The following TNFRSF21 variants were observed in gnomAD, a reference collection of about 807,000 sequenced individuals.
The protein encoded by TNFRSF21 is tumor necrosis factor receptor superfamily member 21.
TNFRSF21 carries 19 observed loss-of-function variants against 45.6 expected under a neutral mutation model. That is an observed-to-expected ratio of 0.42 (90% CI 0.29 to 0.61). The LOEUF (loss-of-function observed/expected upper bound fraction) is 0.61, where lower values mean the gene tolerates loss of function less well. Among genes scored for constraint, TNFRSF21 ranks in the 20% least tolerant of loss-of-function variants. TNFRSF21 has a pLI of 0.23. For synonymous variants in TNFRSF21, 314 were observed against 335.5 expected (o/e 0.94, Z 0.70); for missense variants, 737 against 851.5 (o/e 0.87, Z 1.67).
Position 47,284,420 on chromosome 6 carries a change from G to A in TNFRSF21, c.761C>T (p.Thr254Ile). The A allele has an allele frequency of 6.6e-7, 1 of 1,517,868 alleles. No individual in the cohort carries two copies. The highest frequency in any genetic ancestry group is 8.8e-7 in the Non-Finnish European group (1 of 1,134,786). The allele number at this position is 1,517,868 out of a possible 1,614,324, so 94.0% of individuals were successfully genotyped here. ...AACAGAGGCAGAAGAGTTGGATTCT[G>A]TTGAGTTCATGCCTAGAAAAAAGAG... ...STYVPKGMNS[T>I]ESNSSASVRP... The change falls in exon 3 of 6, where the codon ACA becomes ATA. Residue 254 changes from threonine to isoleucine, a missense_variant. Coordinates refer to ENST00000296861, the MANE Select transcript of TNFRSF21 (RefSeq NM_014452.5).
At chr6:47,293,867 A>AT (rs983939346) in intron 1 of TNFRSF21, among the ~76,000 whole-genome samples, 1 of 151,958 alleles carries the variant, frequency 6.6e-6, no homozygotes, top group African/African-American at 2.4e-5. Flanking sequence ...CCTCATTCCC[A>AT]TTTTTTCCCC....
intron 3 of TNFRSF21, among the ~76,000 whole-genome samples, chr6:47,278,921 A>ACT (rs578056510): frequency 4.2e-4 from 64 of 152,344 alleles, no homozygotes; most frequent in Non-Finnish European, 8.4e-4. Flanking sequence ...TCAAATGCTT[A>ACT]CTACAGTGTC....
chr6:47,267,552 G>A (rs1441599160), intron 3 of TNFRSF21, among the ~76,000 whole-genome samples: 1 of 152,122 alleles, frequency 6.6e-6, no homozygotes, highest in Non-Finnish European at 1.5e-5. Flanking sequence ...TTCTACTTGA[G>A]TTGAAAATCA....
intron 2 of TNFRSF21, 85 bp from the exon 3 acceptor site, chr6:47,284,517 C>G: frequency 7.2e-7 from 1 of 1,396,326 alleles, no homozygotes; most frequent in Non-Finnish European, 9.4e-7. Context: ...CATCTCCAAG[C>G]TAGGCCAGAT....
chr6:47,237,869 G>A (rs1331181818), intron 4 of TNFRSF21, among the ~76,000 whole-genome samples: 2 of 152,114 alleles, frequency 1.3e-5, no homozygotes, highest in East Asian at 1.9e-4. Context: ...GGGCAACATG[G>A]TGAAACCCTG....
chr6:47,234,790 G>C lies in TNFRSF21; in HGVS notation c.1618C>G (p.Pro540Ala), dbSNP rs909458318. 2 of 1,593,762 alleles carry C rather than the reference G, an allele frequency of 1.3e-6. No homozygotes were observed. The highest frequency in any genetic ancestry group is 2.7e-5 in the African/African-American group (2 of 73,592). ...LENSALLTVE[P>A]SPQDKNKGFF... The stretch of plus-strand genomic sequence containing the variant: ...CCCTTGTTCTTGTCCTGTGGGGAAG[G>C]CTCCACCGTCAGGAGAGCGGAATTC... The change falls in exon 5 of 6, where the codon CCT (proline) becomes GCT (alanine). Residue 540 changes from proline to alanine, a missense_variant. Pro to Ala is a conservative substitution (Grantham distance 27). Transcript: ENST00000296861.
At chr6:47,262,983 G>A (rs1242819554) in intron 3 of TNFRSF21, among the ~76,000 whole-genome samples, 2 of 152,084 alleles carry the variant, frequency 1.3e-5, no homozygotes, top group Admixed American at 6.6e-5. Flanking sequence ...AAACTGAAGG[G>A]AGCACAGATA....
intron 4 of TNFRSF21, among the ~76,000 whole-genome samples, chr6:47,241,482 T>A (rs1395946007): frequency 2.3e-5 from 1 of 43,118 alleles, no homozygotes; most frequent in African/African-American, 5.1e-5. Context: ...ATGTACCCAA[T>A]TTTTTTTTTG....
At position 47,247,889 on chromosome 6, in the gene TNFRSF21, C is replaced by T. The variant is rs1422446599; in HGVS notation, c.1509+5367G>A. Among the ~76,000 whole-genome samples, 5 of 152,294 alleles carry T rather than the reference C, an allele frequency of 3.3e-5. No homozygotes were observed. The South Asian group carries it at 8.3e-4, about 25-fold the overall frequency. On this transcript the variant is annotated intron_variant, in intron 4 of 5. Coordinates refer to ENST00000296861, the MANE Select transcript of TNFRSF21 (RefSeq NM_014452.5). ...AATTCTATTATATAGAAATCAACAA[C>T]AACCACCACAAAACATTGGCGGTGG... is the stretch of plus-strand genomic sequence containing the variant.
intron 3 of TNFRSF21, among the ~76,000 whole-genome samples, chr6:47,268,325 AG>A (rs1159173177): frequency 6.6e-6 from 1 of 152,226 alleles, no homozygotes; most frequent in African/African-American, 2.4e-5. Context: ...TTCAGTAAAC[AG>A]GAAGTATTAC....
rs142188055 is a variant in TNFRSF21 at position 47,297,625 on chromosome 6, C to G, written c.97-11030G>C. On this transcript the variant is annotated intron_variant, in intron 1 of 5. Coordinates refer to ENST00000296861, the MANE Select transcript of TNFRSF21 (RefSeq NM_014452.5). ...GCAACTTCTCCCTCCTGGGTTCATGCAATTCGAGTGCCTCAGCCTCCCCAG... is the reference window on the plus strand; with the variant it reads ...GCAACTTCTCCCTCCTGGGTTCATGGAATTCGAGTGCCTCAGCCTCCCCAG... Among the ~76,000 whole-genome samples, 280 of 150,906 alleles carry G rather than the reference C, an allele frequency of 1.9e-3. 1 individual carries two copies. The highest frequency in any genetic ancestry group is 6.2e-3 in the African/African-American group (257 of 41,152).
chr6:47,271,114 C>A (rs919008931), intron 3 of TNFRSF21, among the ~76,000 whole-genome samples: 2 of 152,188 alleles, frequency 1.3e-5, no homozygotes, highest in Non-Finnish European at 2.9e-5. Context: ...TCCAGGAGAA[C>A]TTCCCCAACC....
At chr6:47,240,765 G>T (rs574675740) in intron 4 of TNFRSF21, among the ~76,000 whole-genome samples, 1 of 152,082 alleles carries the variant, frequency 6.6e-6, no homozygotes, top group Non-Finnish European at 1.5e-5. Context: ...GGATGACTGC[G>T]CTAAGATAAA....
At chr6:47,295,059 T>C (rs1340223119) in intron 1 of TNFRSF21, among the ~76,000 whole-genome samples, 8 of 152,144 alleles carry the variant, frequency 5.3e-5, no homozygotes, top group African/African-American at 1.9e-4. Context: ...TACTGAATGA[T>C]TAAAAGGTAA....
Position 47,234,674 on chromosome 6 carries a change from G to A in TNFRSF21, c.1734C>T (p.Thr578=), listed in dbSNP as rs774588537. ...GGTCTGCTGCGATGCCCGTACCTTT[G>A]GTAATAAAGGAACCGTTCCTGCTCA... ...SALSRNGSFI[T]KEKKDTVLRQ... The change falls in exon 5 of 6, where the codon ACC becomes ACT. Residue 578 remains threonine (T), a synonymous_variant. Transcript: ENST00000296861. 3.7e-6 allele frequency: 6 copies of A among 1,606,300 alleles called. No homozygotes were observed. The highest frequency in any genetic ancestry group is 5.1e-6 in the Non-Finnish European group (6 of 1,176,318).
At chr6:47,278,255 C>G (rs114548337) in intron 3 of TNFRSF21, among the ~76,000 whole-genome samples, 1,603 of 152,232 alleles carry the variant, frequency 0.011, 25 homozygotes, top group African/African-American at 0.036. Context: ...ACACCAACAT[C>G]AGTATAAATC....
At position 47,232,786 on chromosome 6, in the gene TNFRSF21, G is replaced by A. The variant is rs752582542; in HGVS notation, c.1947C>T (p.Ser649=). The change falls in exon 6 of 6, where the codon AGC becomes AGT. Residue 649 remains serine, a synonymous_variant. Transcript: ENST00000296861. ...ASQTLLDSVY[S]HLPDLL ...TGTTCTACAGCAGGTCAGGAAGATG[G>A]CTATAAACAGAGTCCAGGAGGGTCT... 2 of 1,613,920 alleles carry A rather than the reference G, an allele frequency of 1.2e-6. No individual in the cohort carries two copies. Among genetic ancestry groups the A allele is most frequent in the Non-Finnish European group, 1.7e-6 (2 of 1,180,008 alleles).
chr6:47,234,422 A>G (rs567029301), intron 5 of TNFRSF21, among the ~76,000 whole-genome samples: 1 of 152,384 alleles, frequency 6.6e-6, no homozygotes, highest in South Asian at 2.1e-4. Flanking sequence ...TCATGAGGAT[A>G]AAGGGTGGCC....
chr6:47,244,814 A>G (rs903418587), intron 4 of TNFRSF21, among the ~76,000 whole-genome samples: 1 of 152,210 alleles, frequency 6.6e-6, no homozygotes, highest in Non-Finnish European at 1.5e-5. Flanking sequence ...CTGATATAAA[A>G]TAAAACCTAC....
Sources: gnomAD v4.1 joint callset for allele counts (sites outside exome capture counted in the v4.1 genomes callset) on GRCh38, gnomAD v4.1.1 for gene constraint, MANE v1.5 for transcripts, NCBI Gene and HGNC (gene_info 2026-07-23, HGNC 2026-07-21) for gene names.